The following ANKRD33B variants were observed in gnomAD, a reference collection of about 807,000 sequenced individuals.
ANKRD33B encodes ankyrin repeat domain-containing protein 33B.
ANKRD33B carries 6 observed loss-of-function variants against 21.5 expected under a neutral mutation model. The observed-to-expected ratio is 0.28, with a 90% CI of 0.15 to 0.55. The LOEUF is 0.55. ANKRD33B is among the 20% of genes least tolerant of loss of function. The probability of loss-of-function intolerance (pLI) is 0.94; values close to 1 mark genes in which losing one functional copy is unlikely to be tolerated. For missense variants in ANKRD33B, 698 were observed against 747.2 expected (o/e 0.93, Z 0.77); for synonymous variants, 347 against 342.4 (o/e 1.01, Z -0.15).
chr5:10,651,576 TGTGG>T lies in ANKRD33B; in HGVS notation c.*1466_*1469del. ...TCTAGTTCTAATGGCTCTCTGGCCA[TGTGG>T]GTTGTAGAGTGTCTGTCACATATGC... is the stretch of plus-strand genomic sequence containing the variant. On this transcript the variant is annotated 3_prime_UTR_variant, in exon 4 of 4. Transcript: ENST00000296657. The T allele has an allele frequency of 6.6e-6, 1 of 152,466 alleles. No homozygotes were observed. Among genetic ancestry groups the T allele is most frequent in the Non-Finnish European group, 1.5e-5 (1 of 68,028 alleles). The allele number at this position is 152,466 out of a possible 1,614,324, so 9.4% of individuals were successfully genotyped here. A position where few individuals can be genotyped will look rare whatever the true frequency, so the allele number is the denominator to read the frequency against.
chr5:10,604,190 CTT>C (rs374461177), intron 1 of ANKRD33B, among the ~76,000 whole-genome samples: 1 of 99,362 alleles, frequency 1.0e-5, no homozygotes, highest in Non-Finnish European at 1.9e-5. Context: ...CCGCGCCTGG[CTT>C]TTTTTTTTTT....
At chr5:10,581,076 A>G (rs553238804) in intron 1 of ANKRD33B, among the ~76,000 whole-genome samples, 2 of 152,188 alleles carry the variant, frequency 1.3e-5, no homozygotes, top group South Asian at 2.1e-4. Context: ...CTGCCTTCTC[A>G]GGCTGCTTCT....
intron 1 of ANKRD33B, among the ~76,000 whole-genome samples, chr5:10,608,120 G>T (rs926384652): frequency 6.6e-6 from 1 of 151,836 alleles, no homozygotes; most frequent in South Asian, 2.1e-4. Flanking sequence ...AGGCTGAGGC[G>T]GGTGGATCAC....
intron 1 of ANKRD33B, among the ~76,000 whole-genome samples, chr5:10,575,726 T>C (rs1735306425): frequency 6.6e-6 from 1 of 152,166 alleles, no homozygotes; most frequent in African/African-American, 2.4e-5. Context: ...GCCAGGGAAT[T>C]ACAGGGAGTG....
At chr5:10,602,178 A>T (rs756490780) in intron 1 of ANKRD33B, among the ~76,000 whole-genome samples, 2 of 152,178 alleles carry the variant, frequency 1.3e-5, no homozygotes, top group Admixed American at 6.5e-5. Context: ...TAGAGATAAC[A>T]CCACCACTGT....
intron 1 of ANKRD33B, among the ~76,000 whole-genome samples, chr5:10,592,298 A>G (rs1735711660): frequency 6.6e-6 from 1 of 152,062 alleles, no homozygotes; most frequent in African/African-American, 2.4e-5. Context: ...TTTGTTAAAC[A>G]GAGCATATAT....
chr5:10,606,222 C>T (rs1323013855), intron 1 of ANKRD33B, among the ~76,000 whole-genome samples: 3 of 152,064 alleles, frequency 2.0e-5, no homozygotes, highest in Non-Finnish European at 2.9e-5. Flanking sequence ...ATAAGATTTA[C>T]GTTTTATGCA....
chr5:10,590,742 T>G (rs1735667584), intron 1 of ANKRD33B, among the ~76,000 whole-genome samples: 1 of 151,822 alleles, frequency 6.6e-6, no homozygotes, highest in South Asian at 2.1e-4. Context: ...CCCTCGAGAG[T>G]ATGACCAACT....
intron 1 of ANKRD33B, among the ~76,000 whole-genome samples, chr5:10,614,047 G>C (rs905550160): frequency 7.0e-6 from 1 of 142,570 alleles, no homozygotes; most frequent in African/African-American, 2.8e-5. Context: ...ATGTAGAGAA[G>C]GAGAGAGATT....
chr5:10,572,470 A>G (rs897831649), intron 1 of ANKRD33B, among the ~76,000 whole-genome samples: 3 of 152,116 alleles, frequency 2.0e-5, no homozygotes, highest in African/African-American at 7.2e-5. Flanking sequence ...GAGCCCTGTG[A>G]TGTGGATGTG....
chr5:10,628,396 G>A (rs1162067589), intron 2 of ANKRD33B, among the ~76,000 whole-genome samples: 2 of 152,132 alleles, frequency 1.3e-5, no homozygotes, highest in Non-Finnish European at 2.9e-5. Flanking sequence ...TGGCCAGGCT[G>A]GTATCGAACT....
chr5:10,610,981 T>A (rs1736158544), intron 1 of ANKRD33B, among the ~76,000 whole-genome samples: 1 of 151,910 alleles, frequency 6.6e-6, no homozygotes, highest in East Asian at 1.9e-4. Context: ...GGGGCGGAGG[T>A]TGCGGTAAGC....
At chr5:10,617,388 T>C (rs867215203) in intron 1 of ANKRD33B, among the ~76,000 whole-genome samples, 59 of 152,206 alleles carry the variant, frequency 3.9e-4, no homozygotes, top group African/African-American at 1.4e-3. Context: ...TGATGGCAAC[T>C]GCATCCTCTC....
rs1560989420 is a variant in ANKRD33B, at chr5:10,649,407, G to GGCCC, written c.781_784dup (p.Glu262AlafsTer8). On this transcript the variant is annotated frameshift_variant, in exon 4 of 4. Coordinates refer to ENST00000296657, the MANE Select transcript of ANKRD33B (RefSeq NM_001164440.2). LOFTEE classifies it low-confidence loss of function (END_TRUNC). ...CCGGAGCAGTTCTGGGAGAAGTACC[G>GGCCC]GCCCGAGCTGCCGCCGCCCCCTGAA... The GGCCC allele has an allele frequency of 6.5e-7, 1 of 1,535,446 alleles. No homozygotes were observed. The highest frequency in any genetic ancestry group is 2.0e-5 in the Admixed American group (1 of 50,992).
intron 2 of ANKRD33B, among the ~76,000 whole-genome samples, chr5:10,623,258 G>C (rs1397483373): frequency 6.6e-6 from 1 of 152,114 alleles, no homozygotes; most frequent in Non-Finnish European, 1.5e-5. Context: ...TCTATCTGTG[G>C]GGCATTGCCG....
rs933948228 is a variant in ANKRD33B, at chr5:10,644,563, T to C, written c.638-4703T>C. Among the ~76,000 whole-genome samples the C allele has an allele frequency of 2.0e-5, 3 of 152,066 alleles. No homozygotes were observed. In the South Asian group the frequency reaches 6.2e-4, roughly 32 times the overall value. Reference sequence around the variant, plus strand: ...CTTCCTGTGATTCCAAGGCGCAAAGTGGATTTAAAGGACGGCGAGGAACAG... The same window carrying C: ...CTTCCTGTGATTCCAAGGCGCAAAGCGGATTTAAAGGACGGCGAGGAACAG... On this transcript the variant is annotated intron_variant, in intron 3 of 3. Transcript: ENST00000296657.
chr5:10,565,550 C>G (rs1735029883), intron 1 of ANKRD33B, among the ~76,000 whole-genome samples: 1 of 152,242 alleles, frequency 6.6e-6, no homozygotes, highest in Non-Finnish European at 1.5e-5. Context: ...GGGCATCCAC[C>G]CGGGTAGGGC....
chr5:10,574,782 A>G (rs1262197047), intron 1 of ANKRD33B, among the ~76,000 whole-genome samples: 2 of 152,140 alleles, frequency 1.3e-5, no homozygotes, highest in African/African-American at 2.4e-5. Context: ...ATGTCATCCT[A>G]TTAAACTTTA....
intron 3 of ANKRD33B, among the ~76,000 whole-genome samples, chr5:10,641,011 C>T (rs776585768): frequency 5.9e-5 from 9 of 152,204 alleles, no homozygotes; most frequent in Admixed American, 1.3e-4. Flanking sequence ...TAATACTATT[C>T]CAGTGGGTCT....
Sources: allele counts gnomAD v4.1 joint callset (sites outside exome capture counted in the v4.1 genomes callset), GRCh38; gene constraint gnomAD v4.1.1; transcripts MANE v1.5; gene names NCBI Gene and HGNC (gene_info 2026-07-23, HGNC 2026-07-21).